The following RBMS1 variants were observed in gnomAD, a reference collection of about 807,000 sequenced individuals.
The protein encoded by RBMS1 is RNA binding motif single stranded interacting protein 1.
Under a neutral mutation model 62.3 loss-of-function variants are expected in RBMS1, and 17 were observed. That is an observed-to-expected ratio of 0.27 (90% CI 0.19 to 0.41). The LOEUF (loss-of-function observed/expected upper bound fraction) is 0.41, where lower values mean the gene tolerates loss of function less well. RBMS1 is among the 10% of genes least tolerant of loss of function. The pLI is 1.00. For synonymous variants in RBMS1, 172 were observed against 170.0 expected, an observed-to-expected ratio of 1.01 and a Z score of -0.09; for missense variants, 334 against 504.5, an observed-to-expected ratio of 0.66 and a Z score of 3.24.
chr2:160,469,914 A>G (rs576441671), intron 1 of RBMS1, among the ~76,000 whole-genome samples: 62 of 152,374 alleles, frequency 4.1e-4, no homozygotes, highest in African/African-American at 1.4e-3. Context: ...AGGAATGATA[A>G]AGAAGATTCT....
At chr2:160,474,906 A>G (rs1057514569) in intron 1 of RBMS1, among the ~76,000 whole-genome samples, 4 of 152,228 alleles carry the variant, frequency 2.6e-5, no homozygotes, top group East Asian at 1.9e-4. Context: ...AATATATCGT[A>G]TTTATGGTGT....
intron 1 of RBMS1, among the ~76,000 whole-genome samples, chr2:160,406,326 C>T (rs1382559875): frequency 6.6e-6 from 1 of 152,178 alleles, no homozygotes; most frequent in Non-Finnish European, 1.5e-5. Flanking sequence ...ATGACTCTGA[C>T]GACAACAAGA....
chr2:160,457,478 G>A, intron 1 of RBMS1, among the ~76,000 whole-genome samples: 1 of 152,202 alleles, frequency 6.6e-6, no homozygotes, highest in Non-Finnish European at 1.5e-5. Context: ...GTAAGTAGCA[G>A]AGCTGAGATT....
At chr2:160,480,006 G>T (rs1007566532) in intron 1 of RBMS1, among the ~76,000 whole-genome samples, 3 of 151,876 alleles carry the variant, frequency 2.0e-5, no homozygotes, top group African/African-American at 4.8e-5. Flanking sequence ...TAAGATTTTT[G>T]AAACATTTAA....
intron 2 of RBMS1, among the ~76,000 whole-genome samples, chr2:160,327,959 T>C (rs1691046034): frequency 6.6e-6 from 1 of 152,192 alleles, no homozygotes; most frequent in Admixed American, 6.5e-5. Flanking sequence ...AAACCTGTAA[T>C]GTATTTTCTT....
At chr2:160,470,514 T>C (rs905957352) in intron 1 of RBMS1, among the ~76,000 whole-genome samples, 4 of 152,230 alleles carry the variant, frequency 2.6e-5, no homozygotes, top group Non-Finnish European at 5.9e-5. Context: ...TTAATAACAA[T>C]GTTCCTTATT....
intron 1 of RBMS1, among the ~76,000 whole-genome samples, chr2:160,440,508 G>A (rs1683369565): frequency 6.6e-6 from 1 of 152,082 alleles, no homozygotes; most frequent in Admixed American, 6.5e-5. Flanking sequence ...CTTCTCCACT[G>A]GATGAGGCAT....
At chr2:160,278,688 G>C (rs1479290756) in intron 10 of RBMS1, 30 bp from the exon 11 acceptor site, 1 of 1,396,996 alleles carries the variant, frequency 7.2e-7, no homozygotes, top group Admixed American at 1.9e-5. Context: ...AGCAAAATTA[G>C]ACAAACTGAG....
chr2:160,431,346 T>A (rs914958198), intron 1 of RBMS1, among the ~76,000 whole-genome samples: 2 of 151,762 alleles, frequency 1.3e-5, no homozygotes, highest in African/African-American at 4.8e-5. Flanking sequence ...GAAGCAAGCA[T>A]CCCACTATCT....
chr2:160,282,469 G>A (rs1688154311), intron 9 of RBMS1: 1 of 448,382 alleles, frequency 2.2e-6, no homozygotes, highest in African/African-American at 2.0e-5. Context: ...TCCAACATGA[G>A]TGCAGGGCCC....
intron 1 of RBMS1, among the ~76,000 whole-genome samples, chr2:160,448,916 GGAT>G (rs1683808585): frequency 1.3e-5 from 2 of 151,612 alleles, no homozygotes; most frequent in Non-Finnish European, 2.9e-5. Flanking sequence ...ACCCCATCTG[GGAT>G]GTGAGGAGTG....
chr2:160,315,970 A>T (rs528271608), intron 3 of RBMS1, among the ~76,000 whole-genome samples: 1 of 152,316 alleles, frequency 6.6e-6, no homozygotes, highest in African/African-American at 2.4e-5. Context: ...ACCCTCTAAG[A>T]TCTCTCATTC....
intron 1 of RBMS1, among the ~76,000 whole-genome samples, chr2:160,451,050 G>A (rs1385862367): frequency 2.0e-5 from 3 of 151,972 alleles, no homozygotes; most frequent in African/African-American, 7.3e-5. Context: ...CAGCTAGTTG[G>A]GAGGCTGAAG....
At chr2:160,465,865 T>TACACACACAC (rs72005445) in intron 1 of RBMS1, among the ~76,000 whole-genome samples, 88 of 146,736 alleles carry the variant, frequency 6.0e-4, no homozygotes, top group African/African-American at 2.1e-3. Flanking sequence ...CACACACACA[T>TACACACACAC]ACACACACAC....
At chr2:160,451,213 T>C (rs1403112005) in intron 1 of RBMS1, among the ~76,000 whole-genome samples, 1 of 152,066 alleles carries the variant, frequency 6.6e-6, no homozygotes, top group African/African-American at 2.4e-5. Context: ...ATGTTTATTG[T>C]CTTGATGTTT....
chr2:160,311,210 ATCT>A (rs1313227482), intron 4 of RBMS1, among the ~76,000 whole-genome samples: 33 of 56,562 alleles, frequency 5.8e-4, no homozygotes, highest in Admixed American at 1.0e-3. Flanking sequence ...AAAAAAAAAA[ATCT>A]ATCTATCTAT....
chr2:160,447,627 C>T (rs1683711932), intron 1 of RBMS1, among the ~76,000 whole-genome samples: 1 of 152,164 alleles, frequency 6.6e-6, no homozygotes, highest in Non-Finnish European at 1.5e-5. Context: ...GCAATGTGGC[C>T]TTCATTTTTA....
At chr2:160,390,112 C>T (rs1051238715) in intron 1 of RBMS1, among the ~76,000 whole-genome samples, 3 of 152,186 alleles carry the variant, frequency 2.0e-5, no homozygotes, top group Non-Finnish European at 4.4e-5. Flanking sequence ...AGTGGTGCAA[C>T]CCATCCCTTT....
chr2:160,349,538 C>T (rs373438309), intron 2 of RBMS1, among the ~76,000 whole-genome samples: 1 of 148,330 alleles, frequency 6.7e-6, no homozygotes, highest in East Asian at 2.0e-4. Context: ...TTTAGTTGCT[C>T]ATCTCAGAGA....
Sources: allele counts gnomAD v4.1 joint callset (sites outside exome capture counted in the v4.1 genomes callset), GRCh38; gene constraint gnomAD v4.1.1; transcripts MANE v1.5; gene names NCBI Gene and HGNC (gene_info 2026-07-23, HGNC 2026-07-21).